Variants in CCDC40 observed in about 807,000 individuals in gnomAD.
The protein encoded by CCDC40 is coiled-coil domain-containing protein 40.
CCDC40 carries 104 observed loss-of-function variants against 124.5 expected under a neutral mutation model. That is an observed-to-expected ratio of 0.84 (90% CI 0.71 to 0.98). The LOEUF (loss-of-function observed/expected upper bound fraction) is 0.98, where lower values mean the gene tolerates loss of function less well. Among genes scored for constraint, CCDC40 ranks in the 50% least tolerant of loss-of-function variants. The probability of loss-of-function intolerance (pLI) is 0.00; values close to 1 mark genes in which losing one functional copy is unlikely to be tolerated. For missense variants in CCDC40, 1,463 were observed against 1,503.9 expected (o/e 0.97, Z 0.45); for synonymous variants, 580 against 602.9 (o/e 0.96, Z 0.56).
chr17:80,037,101 G>A (rs1342751744), intron 1 of CCDC40, among the ~76,000 whole-genome samples: 1 of 152,174 alleles, frequency 6.6e-6, no homozygotes, highest in Non-Finnish European at 1.5e-5. Flanking sequence ...CCTTGCTCCG[G>A]GGCCACTCGC....
chr17:80,067,999 G>T (rs1489058915), intron 10 of CCDC40: 9 of 1,061,148 alleles, frequency 8.5e-6, no homozygotes, highest in Non-Finnish European at 1.0e-5. Context: ...CCACACCAAG[G>T]CCCCGGGGAG....
intron 13 of CCDC40, 132 bp from the exon 14 acceptor site, chr17:80,085,871 T>C: frequency 2.5e-6 from 2 of 792,750 alleles, no homozygotes; most frequent in Non-Finnish European, 4.4e-6. Flanking sequence ...GGTTTCACCC[T>C]GTTGGCCAGG....
chr17:80,051,559 T>G (rs1350400967), intron 7 of CCDC40, among the ~76,000 whole-genome samples: 5 of 123,598 alleles, frequency 4.0e-5, no homozygotes, highest in African/African-American at 6.3e-5. Context: ...AACCTGGGAG[T>G]CGGAGCTTGC....
intron 10 of CCDC40, among the ~76,000 whole-genome samples, chr17:80,076,240 G>A (rs559462502): frequency 3.9e-5 from 6 of 152,202 alleles, no homozygotes; most frequent in Non-Finnish European, 7.4e-5. Context: ...CGATCCATGT[G>A]GCAATGGATG....
chr17:80,041,115 A>C (rs1237795686), intron 3 of CCDC40, among the ~76,000 whole-genome samples: 1 of 152,196 alleles, frequency 6.6e-6, no homozygotes, highest in East Asian at 1.9e-4. Flanking sequence ...AGGATCTTTT[A>C]TTTTCTTAAA....
Position 80,100,036 on chromosome 17 carries a change from C to T in CCDC40, c.*261C>T. On this transcript the variant is annotated 3_prime_UTR_variant, in exon 20 of 20. Coordinates refer to ENST00000397545, the MANE Select transcript of CCDC40 (RefSeq NM_017950.4). ...GTGACTGCAGACCCACACACCCACA[C>T]TCCCACACTGGGCTTACTCGTCCAG... 1 of 522,918 alleles carries T rather than the reference C, an allele frequency of 1.9e-6. No homozygotes were observed. The highest frequency in any genetic ancestry group is 3.5e-6 in the Non-Finnish European group (1 of 288,786). The allele number at this position is 522,918 out of a possible 1,614,324, so 32.4% of individuals were successfully genotyped here. A position where few individuals can be genotyped will look rare whatever the true frequency, so the allele number is the denominator to read the frequency against.
intron 9 of CCDC40, among the ~76,000 whole-genome samples, chr17:80,059,452 G>C (rs946437216): frequency 6.7e-6 from 1 of 148,160 alleles, no homozygotes; most frequent in African/African-American, 2.5e-5. Flanking sequence ...ATTCAGGTCT[G>C]TAGTGGTAGC....
At chr17:80,056,016 A>ATATATATATTTTTTTT (rs71163913) in intron 7 of CCDC40, among the ~76,000 whole-genome samples, 2 of 10,252 alleles carry the variant, frequency 2.0e-4, no homozygotes, top group African/African-American at 3.5e-4. Context: ...ATATATATAT[A>ATATATATATTTTTTTT]TTTTTTTTTT....
intron 12 of CCDC40, 70 bp from the exon 13 acceptor site, chr17:80,084,673 T>A: frequency 6.3e-7 from 1 of 1,585,808 alleles, no homozygotes; most frequent in African/African-American, 1.3e-5. Context: ...CAGGGAACGG[T>A]GGATCAGCAA....
intron 10 of CCDC40, among the ~76,000 whole-genome samples, chr17:80,076,695 T>A (rs1477696712): frequency 2.0e-5 from 3 of 151,640 alleles, no homozygotes; most frequent in Non-Finnish European, 2.9e-5. Context: ...TTATCAAGTA[T>A]GACTTGATAA....
chr17:80,095,506 G>C (rs916013056), intron 18 of CCDC40, 55 bp downstream of exon 18: 1 of 1,562,810 alleles, frequency 6.4e-7, no homozygotes, highest in African/African-American at 1.4e-5. Flanking sequence ...GGGATTCAAG[G>C]AACACTCCAG....
chr17:80,085,990 A>C lies in CCDC40; in HGVS notation c.2236-13A>C, dbSNP rs1184099473. On this transcript the variant is annotated splice_polypyrimidine_tract_variant and intron_variant, in intron 13 of 19. Transcript: ENST00000397545. ...CAGCCCTAATTTTGCTTTTTGATGA[A>C]TATCCGGTCTAGGGGGAAGAAGTGG... 8 of 1,613,120 alleles carry C rather than the reference A, an allele frequency of 5.0e-6. No individual in the cohort carries two copies. Among genetic ancestry groups the C allele is most frequent in the Non-Finnish European group, 6.8e-6 (8 of 1,179,456 alleles).
Position 80,039,849 on chromosome 17 carries a change from A to C in CCDC40, c.131A>C (p.Glu44Ala), listed in dbSNP as rs1262533135. 1 of 1,613,866 alleles carries C rather than the reference A, an allele frequency of 6.2e-7. No homozygotes were observed. The highest frequency in any genetic ancestry group is 1.3e-5 in the African/African-American group (1 of 74,862). ...GAGAAGGATGATGGCCAGAAAGGTG[A>C]AGAAGCTGTCGGTAGCACAGAGCAT... ...PPEKDDGQKG[E>A]EAVGSTEHPE... is the part of the protein sequence containing the mutation. Residue 44 changes from glutamate (E) to alanine (A), a missense_variant, in exon 3 of 20, where the codon GAA becomes GCA. Glu to Ala is a moderately radical substitution (Grantham distance 107, BLOSUM62 -1). Coordinates refer to ENST00000397545, the MANE Select transcript of CCDC40 (RefSeq NM_017950.4).
intron 9 of CCDC40, among the ~76,000 whole-genome samples, chr17:80,060,409 CATT>C (rs2037867946): frequency 6.6e-6 from 1 of 151,342 alleles, no homozygotes; most frequent in Non-Finnish European, 1.5e-5. Flanking sequence ...AAAAATAAAA[CATT>C]AGCCCACCAT....
chr17:80,078,139 G>T (rs2038354218), intron 10 of CCDC40, among the ~76,000 whole-genome samples: 2 of 151,970 alleles, frequency 1.3e-5, no homozygotes, highest in African/African-American at 4.8e-5. Context: ...AGACCATCCT[G>T]GCTAACACGG....
At chr17:80,036,906 C>A in intron 1 of CCDC40, 3 of 476,826 alleles carry the variant, frequency 6.3e-6, no homozygotes, top group Non-Finnish European at 1.1e-5. Context: ...CTTCTCCCCT[C>A]CTGTCCCTTT....
In CCDC40 at chr17:80,095,390, C is replaced by T. The variant is rs919535669; in HGVS notation, c.2960C>T (p.Thr987Ile). The T allele has an allele frequency of 5.0e-6, 8 of 1,614,036 alleles. No homozygotes were observed. The highest frequency in any genetic ancestry group is 6.8e-6 in the Non-Finnish European group (8 of 1,180,060). The change falls in exon 18 of 20, where the codon ACC becomes ATC. Residue 987 changes from threonine (T) to isoleucine (I), a missense_variant. Physicochemically the swap from Thr to Ile is moderately conservative, Grantham distance 89. Transcript: ENST00000397545. ...GQRKMDRKAL[T>I]RTDFHHKQLE... ...CGCAAGATGGACAGGAAGGCGCTCA[C>T]CCGCACCGACTTCCACCACAAGCAG...
chr17:80,058,440 G>A lies in CCDC40; in HGVS notation c.1160-54G>A, dbSNP rs906552563. On this transcript the variant is annotated intron_variant, in intron 7 of 19. Transcript: ENST00000397545. The surrounding 1 kb of genome is among the most constrained non-coding windows in gnomAD (Gnocchi z 4.2). ...CCTGGGTCTCTGCATGGGGGACGCT[G>A]GGACAGCCTCCCCACTCACTCTCTC... 39 of 1,573,984 alleles carry A rather than the reference G, an allele frequency of 2.5e-5. No homozygotes were observed. The South Asian group carries it at 3.2e-4, about 13-fold the overall frequency.
intron 10 of CCDC40, among the ~76,000 whole-genome samples, chr17:80,080,858 G>T (rs1598531966): frequency 6.6e-6 from 1 of 152,274 alleles, no homozygotes; most frequent in Non-Finnish European, 1.5e-5. Flanking sequence ...TCAATAGCAT[G>T]TCACAGTGAC....
Sources: allele counts gnomAD v4.1 joint callset (sites outside exome capture counted in the v4.1 genomes callset), GRCh38; gene constraint gnomAD v4.1.1; non-coding constraint Gnocchi (gnomAD v3.1); transcripts MANE v1.5; gene names NCBI Gene and HGNC (gene_info 2026-07-23, HGNC 2026-07-21).